OPCML: variants seen among roughly 807,000 people sequenced by gnomAD.
The protein encoded by OPCML is opioid-binding protein/cell adhesion molecule.
OPCML carries 13 observed loss-of-function variants against 37.8 expected under a neutral mutation model. The ratio of observed to expected loss-of-function variants is 0.34; its 90% CI spans 0.22 to 0.55. OPCML has a LOEUF of 0.55. Ranked by LOEUF, OPCML falls within the 20% of genes least tolerant of loss-of-function variation. The probability of loss-of-function intolerance (pLI) is 0.91; values close to 1 mark genes in which losing one functional copy is unlikely to be tolerated. For missense variants in OPCML, 341 were observed against 435.6 expected, an observed-to-expected ratio of 0.78 and a Z score of 1.93; for synonymous variants, 176 against 168.8, an observed-to-expected ratio of 1.04 and a Z score of -0.33.
At position 133,015,896 on chromosome 11, in the gene OPCML, C is replaced by A. The variant is rs140628368; in HGVS notation, c.62-72886G>T. Among the ~76,000 whole-genome samples, 13 of 152,262 alleles carry A rather than the reference C, an allele frequency of 8.5e-5. No individual in the cohort carries two copies. The East Asian group carries it at 2.5e-3, about 30-fold the overall frequency. On this transcript the variant is annotated intron_variant, in intron 1 of 7. Transcript: ENST00000524381. ...CCTATGCCTCCTCCAAGACCCAGCC[C>A]ACCCATCACTCTCTCTGAGACAGCT... is the stretch of plus-strand genomic sequence containing the variant.
intron 1 of OPCML, among the ~76,000 whole-genome samples, chr11:133,157,930 T>C (rs943073254): frequency 1.3e-5 from 2 of 152,196 alleles, no homozygotes; most frequent in African/African-American, 4.8e-5. Context: ...GCACTGGTTA[T>C]ACAAGAGGCT....
chr11:133,237,913 A>G (rs1417850846), intron 1 of OPCML, among the ~76,000 whole-genome samples: 1 of 152,218 alleles, frequency 6.6e-6, no homozygotes, highest in African/African-American at 2.4e-5. Context: ...CATCCTATTC[A>G]TATGATAATA....
intron 1 of OPCML, among the ~76,000 whole-genome samples, chr11:133,437,858 A>G (rs1469966711): frequency 1.3e-5 from 2 of 152,206 alleles, no homozygotes; most frequent in African/African-American, 2.4e-5. Context: ...CGAGATTTTT[A>G]TTTTAAACCT....
intron 1 of OPCML, chr11:133,024,903 T>G: frequency 1.0e-6 from 1 of 985,414 alleles, no homozygotes; most frequent in Non-Finnish European, 1.2e-6. Context: ...ATAAAGATTA[T>G]CTACAGCATA....
chr11:132,425,834 C>T (rs1397322167), intron 7 of OPCML, among the ~76,000 whole-genome samples: 9 of 152,190 alleles, frequency 5.9e-5, no homozygotes, highest in Non-Finnish European at 1.3e-4. Context: ...TCTGAGGAAG[C>T]GTATTCAGTA....
chr11:133,349,253 TTC>T (rs763991505), intron 1 of OPCML, among the ~76,000 whole-genome samples: 12 of 152,206 alleles, frequency 7.9e-5, no homozygotes, highest in Non-Finnish European at 1.8e-4. Context: ...ATGAAGACCA[TTC>T]TCTCTGTACA....
rs534365938 is a variant in OPCML, at chr11:133,161,022, G to A, written c.62-218012C>T. 3.3e-3 allele frequency among the ~76,000 whole-genome samples: 499 copies of A among 152,298 alleles called. 4 individuals carry two copies. Among genetic ancestry groups the A allele is most frequent in the African/African-American group, 0.012 (487 of 41,568 alleles). On this transcript the variant is annotated intron_variant, in intron 1 of 7. Transcript: ENST00000524381. The stretch of plus-strand genomic sequence containing the variant: ...GGAAATCAGGCAGCAGGCCTGGTGC[G>A]GGGCAGGCATTGGGCCGAATGGGAA...
rs1362730468 is a variant in OPCML, at chr11:133,208,334, T to C, written c.62-265324A>G. Reference sequence around the variant, plus strand: ...AAGCCTACACTACCGTGTGTTCTACTACATTCAGTATCATTGTCGAGGGGC... The same window carrying C: ...AAGCCTACACTACCGTGTGTTCTACCACATTCAGTATCATTGTCGAGGGGC... On this transcript the variant is annotated intron_variant, in intron 1 of 7. Coordinates refer to ENST00000524381, the MANE Select transcript of OPCML (RefSeq NM_001012393.5). This position sits in a 1 kb window ranked among gnomAD's most constrained non-coding sequence, Gnocchi z 8.9. 6.6e-6 allele frequency among the ~76,000 whole-genome samples: 1 copy of C among 152,228 alleles called. No homozygotes were observed. The highest frequency in any genetic ancestry group is 2.4e-5 in the African/African-American group (1 of 41,464).
Position 132,942,982 on chromosome 11 carries a change from G to C in OPCML, c.90C>G (p.Thr30=), listed in dbSNP as rs1331801522. 1 of 1,614,032 alleles carries C rather than the reference G, an allele frequency of 6.2e-7. No individual in the cohort carries two copies. The highest frequency in any genetic ancestry group is 8.5e-7 in the Non-Finnish European group (1 of 1,180,018). The change falls in exon 2 of 8, where the codon ACC becomes ACG. Residue 30 remains threonine (T), a synonymous_variant. Transcript: ENST00000524381. Reference sequence around the variant, plus strand: ...TCACGTTGTCCATAGCTTTGGGGAAGGTGGCATCTCCGCTGCGCACGGGCA... The same window carrying C: ...TCACGTTGTCCATAGCTTTGGGGAACGTGGCATCTCCGCTGCGCACGGGCA... ...PGVPVRSGDA[T]FPKAMDNVTV...
intron 2 of OPCML, among the ~76,000 whole-genome samples, chr11:132,735,442 T>C (rs571030821): frequency 1.3e-5 from 2 of 152,286 alleles, no homozygotes; most frequent in East Asian, 1.9e-4. Context: ...TGAACCTCAG[T>C]AATACTCACA....
intron 2 of OPCML, among the ~76,000 whole-genome samples, chr11:132,934,100 C>T (rs956713606): frequency 2.6e-5 from 4 of 152,168 alleles, no homozygotes; most frequent in Non-Finnish European, 4.4e-5. Context: ...CAGGAGCAAG[C>T]GTCACTTGGC....
chr11:132,489,492 G>T (rs2096209498), intron 4 of OPCML, among the ~76,000 whole-genome samples: 1 of 152,134 alleles, frequency 6.6e-6, no homozygotes, highest in Non-Finnish European at 1.5e-5. Context: ...AATTATACAT[G>T]CTGGACTTTC....
At chr11:132,790,803 A>C (rs1937855096) in intron 2 of OPCML, among the ~76,000 whole-genome samples, 1 of 152,214 alleles carries the variant, frequency 6.6e-6, no homozygotes, top group African/African-American at 2.4e-5. Context: ...GACTGCAACA[A>C]ATGCCTTCCA....
chr11:132,427,547 C>A (rs1228767614), intron 7 of OPCML, among the ~76,000 whole-genome samples: 1 of 152,200 alleles, frequency 6.6e-6, no homozygotes, highest in Non-Finnish European at 1.5e-5. Flanking sequence ...ACAACTGAAA[C>A]CAGTCGATAA....
chr11:132,535,218 G>A (rs1275820570), intron 3 of OPCML, among the ~76,000 whole-genome samples: 1 of 152,000 alleles, frequency 6.6e-6, no homozygotes, highest in Non-Finnish European at 1.5e-5. Flanking sequence ...AGTAAAAAGT[G>A]CATATTCAAT....
At chr11:133,307,107 C>T (rs2136581732) in intron 1 of OPCML, among the ~76,000 whole-genome samples, 1 of 152,270 alleles carries the variant, frequency 6.6e-6, no homozygotes, top group Admixed American at 6.5e-5. Flanking sequence ...TTCCTCCCCT[C>T]CTTCCCTCAT....
chr11:133,321,423 T>C (rs1172141592), intron 1 of OPCML, among the ~76,000 whole-genome samples: 1 of 152,210 alleles, frequency 6.6e-6, no homozygotes, highest in African/African-American at 2.4e-5. Context: ...TTGGATGGTG[T>C]ATTCAAAAGA....
At chr11:132,832,670 C>T (rs548695080) in intron 2 of OPCML, among the ~76,000 whole-genome samples, 8 of 152,314 alleles carry the variant, frequency 5.3e-5, no homozygotes, top group Admixed American at 2.0e-4. Context: ...TTTTCAAATA[C>T]GGTCATGTGT....
At chr11:132,939,167 T>C (rs573044053) in intron 2 of OPCML, among the ~76,000 whole-genome samples, 2 of 152,316 alleles carry the variant, frequency 1.3e-5, no homozygotes, top group South Asian at 2.1e-4. Context: ...AATAGTCTAA[T>C]GGCTACTCAA....
Sources: allele counts gnomAD v4.1 joint callset (sites outside exome capture counted in the v4.1 genomes callset), GRCh38; gene constraint gnomAD v4.1.1; non-coding constraint Gnocchi (gnomAD v3.1); transcripts MANE v1.5; gene names NCBI Gene and HGNC (gene_info 2026-07-23, HGNC 2026-07-21).